The following SLC6A17 variants were observed in gnomAD, a reference collection of about 807,000 sequenced individuals.
SLC6A17 encodes the protein sodium-dependent neutral amino acid transporter SLC6A17.
A neutral mutation model predicts 64.5 loss-of-function variants in SLC6A17; 21 were observed. That is an observed-to-expected ratio of 0.33 (90% confidence interval 0.23 to 0.47). SLC6A17 has a LOEUF of 0.47. SLC6A17 is among the 20% of genes least tolerant of loss of function. The pLI is 1.00. For missense variants in SLC6A17, 682 were observed against 963.2 expected (o/e 0.71, Z 3.86); for synonymous variants, 372 against 399.5 (o/e 0.93, Z 0.82).
chr1:110,167,676 T>C (rs1226116268), intron 2 of SLC6A17, among the ~76,000 whole-genome samples: 2 of 152,188 alleles, frequency 1.3e-5, no homozygotes, highest in African/African-American at 4.8e-5. Context: ...GCTTAATGGA[T>C]ATTAGGGCTA....
At chr1:110,191,639 C>T (rs1656826293) in intron 6 of SLC6A17, among the ~76,000 whole-genome samples, 1 of 152,218 alleles carries the variant, frequency 6.6e-6, no homozygotes, top group Non-Finnish European at 1.5e-5. Context: ...CTGTGTACTA[C>T]ATGACCATAT....
intron 2 of SLC6A17, 50 bp from the exon 3 acceptor site, chr1:110,172,010 C>T: frequency 6.2e-7 from 1 of 1,600,886 alleles, no homozygotes; most frequent in African/African-American, 1.3e-5. Context: ...TTCCCTCACT[C>T]TGCTGCTGTG....
In SLC6A17 at chr1:110,167,227, C is replaced by T. The variant is rs1308251710; in HGVS notation, c.286+12C>T. 2.5e-6 allele frequency: 4 copies of T among 1,602,892 alleles called. No homozygotes were observed. Among genetic ancestry groups the T allele is most frequent in the Non-Finnish European group, 3.4e-6 (4 of 1,172,538 alleles). On this transcript the variant is annotated intron_variant, in intron 2 of 11. Coordinates refer to ENST00000331565, the MANE Select transcript of SLC6A17 (RefSeq NM_001010898.4). ...GAAAAATGGAGGAGGTAAGAGACAG[C>T]TCTGCCTGCATCAGGGGTCCCCTGC...
chr1:110,191,091 G>A (rs1238559329), intron 6 of SLC6A17, among the ~76,000 whole-genome samples: 1 of 152,112 alleles, frequency 6.6e-6, no homozygotes, highest in African/African-American at 2.4e-5. Context: ...TGATCCTCAC[G>A]TTCACTCCGA....
intron 2 of SLC6A17, among the ~76,000 whole-genome samples, chr1:110,168,931 T>C (rs1656144967): frequency 6.6e-6 from 1 of 152,240 alleles, no homozygotes. Context: ...AATTCTGAGC[T>C]TTCCATTCCA....
In SLC6A17 at chr1:110,175,281, C is replaced by G. The variant is rs139345152; in HGVS notation, c.753+321C>G. On this transcript the variant is annotated intron_variant, in intron 5 of 11. Coordinates refer to ENST00000331565, the MANE Select transcript of SLC6A17 (RefSeq NM_001010898.4). ...GGGACGTCTGTCTAGATTCTAGACC[C>G]TCAGGTTCCCAAGAGCAAAAGCCCT... Among the ~76,000 whole-genome samples, 558 of 152,326 alleles carry G rather than the reference C, an allele frequency of 3.7e-3. 4 individuals carry two copies. The highest frequency in any genetic ancestry group is 0.014 in the Middle Eastern group (4 of 294).
chr1:110,175,000 C>A (rs59871604), intron 5 of SLC6A17, 40 bp downstream of exon 5: 5 of 1,592,952 alleles, frequency 3.1e-6, no homozygotes, highest in Non-Finnish European at 4.3e-6. Flanking sequence ...AAATGGGGAA[C>A]AGCAGAAAGG....
At chr1:110,173,764 T>C (rs1656300778) in intron 3 of SLC6A17, among the ~76,000 whole-genome samples, 1 of 152,266 alleles carries the variant, frequency 6.6e-6, no homozygotes, top group South Asian at 2.1e-4. Flanking sequence ...GAAAAATTCC[T>C]TTGTGGATTT....
chr1:110,161,803 G>T (rs967404968), intron 1 of SLC6A17, among the ~76,000 whole-genome samples: 1 of 152,166 alleles, frequency 6.6e-6, no homozygotes, highest in African/African-American at 2.4e-5. Context: ...AGGGGCTCCA[G>T]GCTTTGTCCT....
At chr1:110,182,955 G>C (rs1199214596) in intron 6 of SLC6A17, among the ~76,000 whole-genome samples, 1 of 152,148 alleles carries the variant, frequency 6.6e-6, no homozygotes, top group Non-Finnish European at 1.5e-5. Context: ...TAACTGGAGA[G>C]GGTCATGGGG....
intron 3 of SLC6A17, among the ~76,000 whole-genome samples, chr1:110,172,818 C>G (rs1230287416): frequency 1.3e-5 from 2 of 152,206 alleles, no homozygotes; most frequent in African/African-American, 4.8e-5. Context: ...CCAGGCTCAT[C>G]CACAAGGCTA....
chr1:110,186,898 T>A (rs1467460049), intron 6 of SLC6A17, among the ~76,000 whole-genome samples: 2 of 152,122 alleles, frequency 1.3e-5, no homozygotes, highest in Admixed American at 6.5e-5. Flanking sequence ...TTTGAGAAAT[T>A]TGTAGGAGTT....
chr1:110,173,894 T>TAGA, intron 3 of SLC6A17, 79 bp from the exon 4 acceptor site: 1 of 1,508,858 alleles, frequency 6.6e-7, no homozygotes, highest in Admixed American at 2.1e-5. Flanking sequence ...GCTGCCGACG[T>TAGA]GCTGGGCCTC....
At chr1:110,195,067 C>T in intron 9 of SLC6A17, 1 of 477,192 alleles carries the variant, frequency 2.1e-6, no homozygotes, top group Non-Finnish European at 3.8e-6. Context: ...GAAGTGGGTG[C>T]TGAGTCGTCT....
intron 5 of SLC6A17, among the ~76,000 whole-genome samples, chr1:110,175,866 C>T (rs1030896988): frequency 2.6e-5 from 4 of 152,120 alleles, no homozygotes; most frequent in East Asian, 1.9e-4. Context: ...TCCACAACAA[C>T]GTTATGAGTT....
intron 6 of SLC6A17, among the ~76,000 whole-genome samples, chr1:110,180,554 T>A (rs1022168027): frequency 6.6e-6 from 1 of 152,062 alleles, no homozygotes; most frequent in African/African-American, 2.4e-5. Context: ...TACAAATCCC[T>A]CCAAGTCATT....
intron 6 of SLC6A17, among the ~76,000 whole-genome samples, chr1:110,181,282 CT>C (rs1656515842): frequency 1.3e-5 from 2 of 152,334 alleles, no homozygotes; most frequent in East Asian, 3.9e-4. Flanking sequence ...TGTTCATATC[CT>C]TCAGCCCAGC....
At chr1:110,156,449 C>T (rs1482463989) in intron 1 of SLC6A17, among the ~76,000 whole-genome samples, 6 of 152,054 alleles carry the variant, frequency 3.9e-5, no homozygotes, top group Non-Finnish European at 8.8e-5. Flanking sequence ...CTCCGTGTAC[C>T]CCAGTGTGCC....
chr1:110,153,889 GA>G (rs111914112), intron 1 of SLC6A17, among the ~76,000 whole-genome samples: 12 of 151,966 alleles, frequency 7.9e-5, no homozygotes, highest in South Asian at 2.1e-4. Context: ...CAGGATGGGG[GA>G]AAAAAAACCT....
Sources: allele counts gnomAD v4.1 joint callset (sites outside exome capture counted in the v4.1 genomes callset), GRCh38; gene constraint gnomAD v4.1.1; transcripts MANE v1.5; gene names NCBI Gene and HGNC (gene_info 2026-07-23, HGNC 2026-07-21).